Variants in CNTN5 observed in about 807,000 individuals in gnomAD.
The protein encoded by CNTN5 is contactin 5.
In CNTN5, 77 loss-of-function variants were observed where a neutral mutation model predicts 129.1. The ratio of observed to expected loss-of-function variants is 0.60; its 90% CI spans 0.50 to 0.72. CNTN5 has a LOEUF of 0.72. Ranked by LOEUF, CNTN5 falls within the 30% of genes least tolerant of loss-of-function variation. The probability of loss-of-function intolerance (pLI) is 0.00; values close to 1 mark genes in which losing one functional copy is unlikely to be tolerated. For missense variants in CNTN5, 1,478 were observed against 1,328.8 expected (o/e 1.11, Z -1.75); for synonymous variants, 509 against 465.6 (o/e 1.09, Z -1.20).
intron 3 of CNTN5, among the ~76,000 whole-genome samples, chr11:99,668,267 A>G (rs1952881644): frequency 6.6e-6 from 1 of 152,158 alleles, no homozygotes; most frequent in African/African-American, 2.4e-5. Context: ...TGCAAGAAGA[A>G]TACATTCTAT....
chr11:99,873,426 C>CA (rs916313987), intron 6 of CNTN5, among the ~76,000 whole-genome samples: 8 of 151,852 alleles, frequency 5.3e-5, no homozygotes, highest in Admixed American at 2.6e-4. Context: ...ATTTCACACA[C>CA]AAAAAAAGGA....
intron 9 of CNTN5, among the ~76,000 whole-genome samples, chr11:100,035,749 T>C (rs1300283818): frequency 1.3e-5 from 2 of 151,290 alleles, no homozygotes; most frequent in Non-Finnish European, 2.9e-5. Flanking sequence ...TCATGTGTTT[T>C]TTGGCTGCAT....
At chr11:100,228,779 G>C (rs1949432385) in intron 16 of CNTN5, among the ~76,000 whole-genome samples, 1 of 152,184 alleles carries the variant, frequency 6.6e-6, no homozygotes, top group African/African-American at 2.4e-5. Flanking sequence ...TCCAGTGTGA[G>C]ATGCCTTTGG....
At chr11:99,727,793 CATATTT>C (rs1443005754) in intron 3 of CNTN5, among the ~76,000 whole-genome samples, 12 of 152,038 alleles carry the variant, frequency 7.9e-5, no homozygotes, top group African/African-American at 2.4e-4. Flanking sequence ...TTAAAACTGT[CATATTT>C]ATTGTGTTTT....
At chr11:99,723,507 T>C (rs1200063470) in intron 3 of CNTN5, among the ~76,000 whole-genome samples, 1 of 152,116 alleles carries the variant, frequency 6.6e-6, no homozygotes, top group Non-Finnish European at 1.5e-5. Context: ...GAAACCAACG[T>C]AGACAATTTT....
intron 8 of CNTN5, among the ~76,000 whole-genome samples, chr11:99,992,569 G>C (rs1475167905): frequency 6.6e-6 from 1 of 152,090 alleles, no homozygotes; most frequent in Non-Finnish European, 1.5e-5. Context: ...AAAATATGAA[G>C]TTCATAGCCC....
chr11:100,127,290 A>G (rs1399974954), intron 13 of CNTN5, among the ~76,000 whole-genome samples: 1 of 151,860 alleles, frequency 6.6e-6, no homozygotes, highest in African/African-American at 2.4e-5. Flanking sequence ...GATCTCTTAT[A>G]GGCTAGGCTA....
intron 18 of CNTN5, among the ~76,000 whole-genome samples, chr11:100,282,256 T>C (rs2138822510): frequency 1.3e-5 from 2 of 152,302 alleles, no homozygotes; most frequent in South Asian, 4.1e-4. Context: ...TTCCAGGTAT[T>C]TGAAAGGACT....
At chr11:99,251,737 A>T (rs1862115292) in intron 1 of CNTN5, among the ~76,000 whole-genome samples, 1 of 151,944 alleles carries the variant, frequency 6.6e-6, no homozygotes, top group South Asian at 2.1e-4. Flanking sequence ...ACACAGTAGG[A>T]ATGGTAACAT....
At chr11:100,202,840 A>G (rs1948814718) in intron 15 of CNTN5, among the ~76,000 whole-genome samples, 1 of 151,958 alleles carries the variant, frequency 6.6e-6, no homozygotes, top group African/African-American at 2.4e-5. Context: ...TGAGCAACAC[A>G]GGCCCATTTA....
intron 2 of CNTN5, among the ~76,000 whole-genome samples, chr11:99,470,195 A>G (rs1464617307): frequency 6.6e-6 from 1 of 152,144 alleles, no homozygotes; most frequent in Non-Finnish European, 1.5e-5. Flanking sequence ...TGATATTTCA[A>G]TTTAGTTTAT....
chr11:99,842,999 G>A (rs1947562860), intron 4 of CNTN5, among the ~76,000 whole-genome samples: 1 of 152,184 alleles, frequency 6.6e-6, no homozygotes. Context: ...GGGAGGCCTA[G>A]GCGGGCGGAT....
chr11:99,763,418 A>G (rs1044066593), intron 3 of CNTN5, among the ~76,000 whole-genome samples: 1 of 152,146 alleles, frequency 6.6e-6, no homozygotes. Context: ...ACTTGATTTT[A>G]GCAATTTATC....
At chr11:99,300,061 T>C (rs1864563878) in intron 1 of CNTN5, among the ~76,000 whole-genome samples, 1 of 152,112 alleles carries the variant, frequency 6.6e-6, no homozygotes, top group African/African-American at 2.4e-5. Context: ...ACATTTGTTA[T>C]TTTTTGACTT....
intron 3 of CNTN5, among the ~76,000 whole-genome samples, chr11:99,760,435 C>A (rs1944540591): frequency 6.6e-6 from 1 of 152,016 alleles, no homozygotes; most frequent in Non-Finnish European, 1.5e-5. Flanking sequence ...CTGGACTGTG[C>A]TGATTGCACA....
At chr11:99,445,839 T>A (rs1048287393) in intron 2 of CNTN5, among the ~76,000 whole-genome samples, 4 of 152,064 alleles carry the variant, frequency 2.6e-5, no homozygotes, top group African/African-American at 9.7e-5. Flanking sequence ...ATCCCAGCAC[T>A]TTGGGAGGCC....
rs546867525 is a variant in CNTN5 at position 99,616,877 on chromosome 11, G to A, written c.55+60608G>A. Among the ~76,000 whole-genome samples the A allele has an allele frequency of 2.6e-5, 4 of 152,348 alleles. No individual in the cohort carries two copies. In the South Asian group the frequency reaches 6.2e-4, roughly 24 times the overall value. On this transcript the variant is annotated intron_variant, in intron 3 of 24. Coordinates refer to ENST00000524871, the MANE Select transcript of CNTN5 (RefSeq NM_014361.4). ...TGTAATCCCAGCACTTTGGGAGGCC[G>A]AGGCGGGTCGATGACCTGAGGTCAG...
chr11:99,981,077 G>GAGATATATATATATATATATATAT, intron 8 of CNTN5, among the ~76,000 whole-genome samples: 1 of 57,598 alleles, frequency 1.7e-5, no homozygotes, highest in Non-Finnish European at 3.5e-5. Context: ...GAGCCAATAG[G>GAGATATATATATATATATATATAT]ATATATATAT....
chr11:99,246,522 T>C (rs764200498), intron 1 of CNTN5, among the ~76,000 whole-genome samples: 24 of 152,146 alleles, frequency 1.6e-4, no homozygotes, highest in African/African-American at 3.6e-4. Context: ...AGTTCCTAGG[T>C]TGCAGCTATC....
Sources: allele counts gnomAD v4.1 joint callset (sites outside exome capture counted in the v4.1 genomes callset), GRCh38; gene constraint gnomAD v4.1.1; transcripts MANE v1.5; gene names NCBI Gene and HGNC (gene_info 2026-07-23, HGNC 2026-07-21).